Variants in CCDC178 observed in about 807,000 individuals in gnomAD.
The protein encoded by CCDC178 is coiled-coil domain-containing protein 178.
Under a neutral mutation model 117.4 loss-of-function variants are expected in CCDC178, and 126 were observed. The ratio of observed to expected loss-of-function variants is 1.07; its 90% CI spans 0.93 to 1.24. The LOEUF (loss-of-function observed/expected upper bound fraction) is 1.24, where lower values mean the gene tolerates loss of function less well. Among genes scored for constraint, CCDC178 ranks in the 50% most tolerant of loss-of-function variants. The pLI is 0.00. For synonymous variants in CCDC178, 283 were observed against 313.4 expected (o/e 0.90, Z 1.02); for missense variants, 1,030 against 986.9 (o/e 1.04, Z -0.59).
intron 3 of CCDC178, among the ~76,000 whole-genome samples, chr18:33,406,862 T>C (rs758550992): frequency 6.6e-6 from 1 of 152,170 alleles, no homozygotes; most frequent in Non-Finnish European, 1.5e-5. Flanking sequence ...AACATACTAA[T>C]TGACGTTTGT....
chr18:33,204,346 TA>T, intron 20 of CCDC178, among the ~76,000 whole-genome samples: 1 of 152,080 alleles, frequency 6.6e-6, no homozygotes, highest in African/African-American at 2.4e-5. Flanking sequence ...TTAAAGGCAA[TA>T]AAAAAATACC....
At chr18:33,267,320 CAAAGTGAATTG>C in intron 12 of CCDC178, 23 bp from the exon 13 acceptor site, 3 of 1,363,768 alleles carry the variant, frequency 2.2e-6, no homozygotes, top group Non-Finnish European at 3.1e-6. Flanking sequence ...ATATACAGAA[CAAAGTGAATTG>C]TATAGCTTTT....
chr18:33,067,909 G>A (rs1339641025), intron 21 of CCDC178, among the ~76,000 whole-genome samples: 1 of 151,800 alleles, frequency 6.6e-6, no homozygotes, highest in Non-Finnish European at 1.5e-5. Flanking sequence ...TGTTTGAAGA[G>A]ACAAAGAACA....
chr18:33,344,399 C>T lies in CCDC178; in HGVS notation c.658+1812G>A, dbSNP rs546922436. On this transcript the variant is annotated intron_variant, in intron 9 of 22. Transcript: ENST00000383096. ...GGCTACTTACGTAAAATAACGCAGA[C>T]GAACATAAATCTGTTTTCTAAGTAG... 7.9e-3 allele frequency among the ~76,000 whole-genome samples: 1,184 copies of T among 150,534 alleles called. 9 individuals are homozygous for T. The highest frequency in any genetic ancestry group is 0.025 in the African/African-American group (1,030 of 40,930).
At position 33,224,897 on chromosome 18, in the gene CCDC178, G is replaced by T; in HGVS notation, c.1696C>A (p.Arg566=). The T allele has an allele frequency of 6.5e-7, 1 of 1,547,518 alleles. No homozygotes were observed. The highest frequency in any genetic ancestry group is 8.7e-7 in the Non-Finnish European group (1 of 1,146,126). Residue 566 remains arginine (R), a synonymous_variant, in exon 17 of 23, where the codon CGG becomes AGG. Transcript: ENST00000383096. ...YSIYEVQALE[R]KELIKNRAIC... ...GCTCTATTTTTTATAAGCTCTTTCC[G>T]CTCAAGTGCCTGGACTTCGTAAATG...
chr18:33,401,053 T>C (rs2063703312), intron 3 of CCDC178, among the ~76,000 whole-genome samples: 2 of 152,092 alleles, frequency 1.3e-5, no homozygotes, highest in African/African-American at 4.8e-5. Context: ...GGACAGACAG[T>C]GGAACAGTAA....
chr18:32,942,215 C>A (rs1289250492), intron 22 of CCDC178, among the ~76,000 whole-genome samples: 1 of 152,140 alleles, frequency 6.6e-6, no homozygotes, highest in African/African-American at 2.4e-5. Context: ...ACACAGAGAA[C>A]AGAGTGACCC....
chr18:33,424,731 T>C (rs530210505), intron 2 of CCDC178, among the ~76,000 whole-genome samples: 1 of 151,926 alleles, frequency 6.6e-6, no homozygotes, highest in South Asian at 2.1e-4. Flanking sequence ...GGCATGGGGG[T>C]GGCAGGAGCC....
intron 21 of CCDC178, among the ~76,000 whole-genome samples, chr18:33,074,077 G>C (rs1287343517): frequency 1.3e-5 from 2 of 152,058 alleles, no homozygotes; most frequent in Non-Finnish European, 2.9e-5. Flanking sequence ...TCTGAATGAG[G>C]AAGAGACTGG....
At chr18:33,311,528 C>G (rs2062341858) in intron 11 of CCDC178, among the ~76,000 whole-genome samples, 1 of 152,204 alleles carries the variant, frequency 6.6e-6, no homozygotes, top group South Asian at 2.1e-4. Flanking sequence ...GTCCCCTAAC[C>G]AGGAGAAAGG....
At chr18:33,315,730 T>G (rs2062405863) in intron 11 of CCDC178, among the ~76,000 whole-genome samples, 1 of 152,170 alleles carries the variant, frequency 6.6e-6, no homozygotes, top group African/African-American at 2.4e-5. Flanking sequence ...AAAGGCTGCA[T>G]TCTCAGAAAT....
At chr18:33,085,011 TA>T (rs2145046214) in intron 21 of CCDC178, among the ~76,000 whole-genome samples, 1 of 152,248 alleles carries the variant, frequency 6.6e-6, no homozygotes, top group South Asian at 2.1e-4. Flanking sequence ...CATGTTTTTC[TA>T]ATGGATTATC....
chr18:33,007,234 C>G (rs2055770946), intron 21 of CCDC178, among the ~76,000 whole-genome samples: 1 of 151,842 alleles, frequency 6.6e-6, no homozygotes, highest in African/African-American at 2.4e-5. Context: ...AACAACAAGG[C>G]CTGTGATCAT....
At chr18:33,335,394 C>G (rs2062726066) in intron 9 of CCDC178, among the ~76,000 whole-genome samples, 2 of 151,880 alleles carry the variant, frequency 1.3e-5, no homozygotes, top group African/African-American at 4.8e-5. Flanking sequence ...GTTTTTTACC[C>G]TCACCAATTA....
chr18:33,290,725 C>G (rs999574509), intron 12 of CCDC178, among the ~76,000 whole-genome samples: 1 of 151,944 alleles, frequency 6.6e-6, no homozygotes, highest in East Asian at 1.9e-4. Flanking sequence ...ATTTTCGTGA[C>G]GTAGCCATGG....
chr18:33,343,176 G>C (rs903480480), intron 9 of CCDC178, among the ~76,000 whole-genome samples: 2 of 152,000 alleles, frequency 1.3e-5, no homozygotes, highest in African/African-American at 4.8e-5. Flanking sequence ...GTAGATTATG[G>C]GAAAGACAGG....
At chr18:33,173,135 T>C (rs1342242982) in intron 20 of CCDC178, among the ~76,000 whole-genome samples, 1 of 152,120 alleles carries the variant, frequency 6.6e-6, no homozygotes, top group Non-Finnish European at 1.5e-5. Flanking sequence ...CTGCAGCCTC[T>C]TCCTCCTGGG....
intron 20 of CCDC178, among the ~76,000 whole-genome samples, chr18:33,124,065 T>C (rs1477268199): frequency 6.6e-6 from 1 of 152,128 alleles, no homozygotes; most frequent in Non-Finnish European, 1.5e-5. Flanking sequence ...GATTTCAGGT[T>C]TAATTACTCT....
intron 4 of CCDC178, among the ~76,000 whole-genome samples, chr18:33,394,587 G>A (rs2063606663): frequency 6.6e-6 from 1 of 151,678 alleles, no homozygotes; most frequent in African/African-American, 2.4e-5. Context: ...AGCTTTCAAA[G>A]TGTTAATGCT....
Sources: allele counts gnomAD v4.1 joint callset (sites outside exome capture counted in the v4.1 genomes callset), GRCh38; gene constraint gnomAD v4.1.1; transcripts MANE v1.5; gene names NCBI Gene and HGNC (gene_info 2026-07-23, HGNC 2026-07-21).